SESTD1: variants seen among roughly 807,000 people sequenced by gnomAD.
SESTD1 encodes the protein SEC14 domain and spectrin repeat-containing protein 1.
In SESTD1, 43 loss-of-function variants were observed where a neutral mutation model predicts 101.7. The ratio of observed to expected loss-of-function variants is 0.42; its 90% confidence interval spans 0.33 to 0.55. The LOEUF (loss-of-function observed/expected upper bound fraction) is 0.55. Ranked by LOEUF, SESTD1 falls within the 20% of genes least tolerant of loss-of-function variation. The pLI is 0.07. For missense variants in SESTD1, 647 were observed against 815.1 expected (o/e 0.79, Z 2.51); for synonymous variants, 283 against 286.8 (o/e 0.99, Z 0.13).
Position 179,202,736 on chromosome 2 carries a change from G to T in SESTD1, c.-25-10870C>A, listed in dbSNP as rs1379035805. Among the ~76,000 whole-genome samples, 10 of 135,036 alleles carry T rather than the reference G, an allele frequency of 7.4e-5. 3 individuals are homozygous for T. Among genetic ancestry groups the T allele is most frequent in the African/African-American group, 2.9e-4 (10 of 34,184 alleles). 88.6% of individuals were successfully genotyped at this position (135,036 alleles called of 152,430 possible). On this transcript the variant is annotated intron_variant, in intron 1 of 17. Transcript: ENST00000428443. ...AACAGTTTCACTTTTAAATGATACT[G>T]TGAATGGAATCATTCTCTCCCCAAA...
At chr2:179,216,830 A>G (rs1366294157) in intron 1 of SESTD1, among the ~76,000 whole-genome samples, 1 of 135,308 alleles carries the variant, frequency 7.4e-6, no homozygotes, top group Non-Finnish European at 1.6e-5. Flanking sequence ...ATAACACCAC[A>G]CATCTACAAC....
intron 15 of SESTD1, 54 bp downstream of exon 15, chr2:179,116,614 A>G: frequency 6.2e-7 from 1 of 1,613,226 alleles, no homozygotes; most frequent in South Asian, 1.1e-5. Flanking sequence ...ATAATCATGC[A>G]GAAAGCTATT....
At chr2:179,146,653 C>T (rs2045402461) in intron 7 of SESTD1, among the ~76,000 whole-genome samples, 196 bp from the exon 8 acceptor site, 1 of 152,056 alleles carries the variant, frequency 6.6e-6, no homozygotes, top group African/African-American at 2.4e-5. Flanking sequence ...CAGAGAAATA[C>T]CAACGTAATA....
intron 7 of SESTD1, among the ~76,000 whole-genome samples, chr2:179,147,363 T>A (rs1047321195): frequency 4.9e-5 from 7 of 143,696 alleles, no homozygotes; most frequent in Admixed American, 2.0e-4. Flanking sequence ...GTTTGTTTTT[T>A]TGTTTTTTTT....
chr2:179,244,973 T>C (rs904308033), intron 1 of SESTD1, among the ~76,000 whole-genome samples: 5 of 152,204 alleles, frequency 3.3e-5, no homozygotes, highest in African/African-American at 9.7e-5. Flanking sequence ...TAATAAATTA[T>C]GTATATACAA....
intron 1 of SESTD1, among the ~76,000 whole-genome samples, chr2:179,239,707 T>C (rs949954935): frequency 5.3e-5 from 8 of 152,208 alleles, no homozygotes; most frequent in Non-Finnish European, 1.2e-4. Flanking sequence ...ATTATTAAGA[T>C]AGATTAAAAC....
At chr2:179,199,544 C>T (rs1215631612) in intron 1 of SESTD1, among the ~76,000 whole-genome samples, 1 of 152,084 alleles carries the variant, frequency 6.6e-6, no homozygotes, top group Non-Finnish European at 1.5e-5. Context: ...AACATTGATG[C>T]AAAAATCCTC....
At chr2:179,165,609 T>C (rs1172038001) in intron 5 of SESTD1, among the ~76,000 whole-genome samples, 1 of 152,240 alleles carries the variant, frequency 6.6e-6, no homozygotes, top group African/African-American at 2.4e-5. Context: ...CTCCTGACTC[T>C]TGAAGCAACA....
At chr2:179,264,031 G>C (rs1448863694) in intron 1 of SESTD1, 1 of 152,306 alleles carries the variant, frequency 6.6e-6, no homozygotes, top group African/African-American at 2.4e-5. Flanking sequence ...CGCTGGACGC[G>C]GGACTCGCCC....
At chr2:179,227,786 G>A (rs1050775475) in intron 1 of SESTD1, among the ~76,000 whole-genome samples, 3 of 152,096 alleles carry the variant, frequency 2.0e-5, no homozygotes, top group African/African-American at 4.8e-5. Flanking sequence ...GGGGGAAAAT[G>A]AGCAGAGGCA....
At position 179,191,886 on chromosome 2, in the gene SESTD1, A is replaced by G; in HGVS notation, c.-25-20T>C. ...TTAATTCTGAAAACACAGAAAGTCA[A>G]ATGTCAACTACAAGACAACAATTAT... is the stretch of plus-strand genomic sequence containing the variant. On this transcript the variant is annotated intron_variant, in intron 1 of 17. Coordinates refer to ENST00000428443, the MANE Select transcript of SESTD1 (RefSeq NM_178123.5). 1 of 1,468,066 alleles carries G rather than the reference A, an allele frequency of 6.8e-7. No individual in the cohort carries two copies. The highest frequency in any genetic ancestry group is 9.5e-7 in the Non-Finnish European group (1 of 1,053,348). 90.9% of individuals were successfully genotyped at this position (1,468,066 alleles called of 1,614,324 possible).
chr2:179,192,641 A>G (rs1325073526), intron 1 of SESTD1, among the ~76,000 whole-genome samples: 2 of 152,112 alleles, frequency 1.3e-5, no homozygotes, highest in Non-Finnish European at 2.9e-5. Context: ...CTACCCTTAT[A>G]GCAAGGGCTA....
At chr2:179,246,875 G>T (rs896020829) in intron 1 of SESTD1, among the ~76,000 whole-genome samples, 1 of 152,210 alleles carries the variant, frequency 6.6e-6, no homozygotes, top group African/African-American at 2.4e-5. Context: ...CAGAGTGAAA[G>T]TAGGTTAATG....
intron 2 of SESTD1, among the ~76,000 whole-genome samples, chr2:179,187,444 T>A (rs1487348270): frequency 6.6e-6 from 1 of 152,020 alleles, no homozygotes; most frequent in Admixed American, 6.6e-5. Flanking sequence ...GGGCAATATA[T>A]AAGGACACCT....
At chr2:179,261,586 G>A (rs2007593) in intron 1 of SESTD1, among the ~76,000 whole-genome samples, 1 of 151,874 alleles carries the variant, frequency 6.6e-6, no homozygotes, top group Admixed American at 6.5e-5. Context: ...ATCACAATGC[G>A]ATATCACTTC....
chr2:179,208,504 A>C lies in SESTD1; in HGVS notation c.-25-16638T>G, dbSNP rs2046615072. ...TCAGGTAACCTATAAAGGAAAACCT[A>C]TCAGATTAACAGCAGATTTCTCAGC... On this transcript the variant is annotated intron_variant, in intron 1 of 17. Coordinates refer to ENST00000428443, the MANE Select transcript of SESTD1 (RefSeq NM_178123.5). Among the ~76,000 whole-genome samples, 2 of 135,322 alleles carry C rather than the reference A, an allele frequency of 1.5e-5. 1 individual carries two copies. Among genetic ancestry groups the C allele is most frequent in the African/African-American group, 5.8e-5 (2 of 34,350 alleles). 88.8% of individuals were successfully genotyped at this position (135,322 alleles called of 152,430 possible). A position where few individuals can be genotyped will look rare whatever the true frequency, so the allele number is the denominator to read the frequency against.
At chr2:179,180,245 G>A (rs985592565) in intron 3 of SESTD1, among the ~76,000 whole-genome samples, 5 of 152,086 alleles carry the variant, frequency 3.3e-5, no homozygotes, top group African/African-American at 4.8e-5. Context: ...TAAGCACAAA[G>A]TATAAGAAAT....
intron 5 of SESTD1, among the ~76,000 whole-genome samples, chr2:179,170,367 T>C (rs2045910304): frequency 6.6e-6 from 1 of 152,100 alleles, no homozygotes; most frequent in Non-Finnish European, 1.5e-5. Flanking sequence ...TAAAAAACTC[T>C]CAAAATCCAG....
intron 5 of SESTD1, among the ~76,000 whole-genome samples, chr2:179,158,608 T>G (rs1236444632): frequency 6.6e-6 from 1 of 152,178 alleles, no homozygotes; most frequent in East Asian, 1.9e-4. Flanking sequence ...TCAAAATAAT[T>G]TTTTTAAAAA....
Sources: gnomAD v4.1 joint callset for allele counts (sites outside exome capture counted in the v4.1 genomes callset) on GRCh38, gnomAD v4.1.1 for gene constraint, MANE v1.5 for transcripts, NCBI Gene and HGNC (gene_info 2026-07-23, HGNC 2026-07-21) for gene names.